The following CHI3L1 variants were observed in gnomAD, a reference collection of about 807,000 sequenced individuals.
The protein encoded by CHI3L1 is chitinase-3-like protein 1.
A neutral mutation model predicts 40.7 loss-of-function variants in CHI3L1; 30 were observed. The observed-to-expected ratio is 0.74, with a 90% confidence interval of 0.55 to 1.00. CHI3L1 has a LOEUF of 1.00. Ranked by LOEUF, CHI3L1 falls within the 50% of genes least tolerant of loss-of-function variation. CHI3L1 has a pLI of 0.00. For missense variants in CHI3L1, 493 were observed against 492.2 expected (o/e 1.00, Z -0.01); for synonymous variants, 210 against 192.1 (o/e 1.09, Z -0.77).
At chr1:203,179,973 G>A in intron 8 of CHI3L1, 96 bp from the exon 9 acceptor site, 3 of 1,092,060 alleles carry the variant, frequency 2.7e-6, no homozygotes, top group Non-Finnish European at 2.7e-6. Flanking sequence ...TTTAGCTCCT[G>A]CTCCATCCTG....
Position 203,183,130 on chromosome 1 carries a change from A to G in CHI3L1, c.466-278T>C, listed in dbSNP as rs566565426. On this transcript the variant is annotated intron_variant, in intron 5 of 9. Coordinates refer to ENST00000255409, the MANE Select transcript of CHI3L1 (RefSeq NM_001276.4). ...GAGCATCGGACAGTGGGTGACCCCT[A>G]TTGGCCCACAGATGACTTTGGGAGA... is the stretch of plus-strand genomic sequence containing the variant. Among the ~76,000 whole-genome samples, 368 of 152,190 alleles carry G rather than the reference A, an allele frequency of 2.4e-3. 1 individual carries two copies. The highest frequency in any genetic ancestry group is 3.6e-3 in the Non-Finnish European group (248 of 67,998).
intron 2 of CHI3L1, among the ~76,000 whole-genome samples, chr1:203,185,809 G>T (rs1656043441): frequency 6.6e-6 from 1 of 152,170 alleles, no homozygotes; most frequent in African/African-American, 2.4e-5. Flanking sequence ...GTGACCTGCA[G>T]TGAGGTCCTT....
rs1364926362 is a variant in CHI3L1, at chr1:203,186,674, C to G, written c.-51G>C. On this transcript the variant is annotated 5_prime_UTR_variant, in exon 1 of 10. Coordinates refer to ENST00000255409, the MANE Select transcript of CHI3L1 (RefSeq NM_001276.4). The stretch of plus-strand genomic sequence containing the variant: ...GTGTGGCCTCTTCCCTTGCCCACGG[C>G]TCCTGGTGCCAGCTACCTAGACAGG... The G allele has an allele frequency of 6.8e-6, 11 of 1,611,832 alleles. No homozygotes were observed. The South Asian group carries it at 1.1e-4, about 16-fold the overall frequency.
intron 6 of CHI3L1, chr1:203,182,224 CT>C (rs1294286553): frequency 6.4e-6 from 1 of 156,432 alleles, no homozygotes; most frequent in Non-Finnish European, 1.4e-5. Flanking sequence ...AGAGATGAGG[CT>C]GCTTGGCTGT....
Position 203,179,821 on chromosome 1 carries a change from G to A in CHI3L1, c.951C>T (p.Pro317=). 1 of 1,614,196 alleles carries A rather than the reference G, an allele frequency of 6.2e-7. No individual in the cohort carries two copies. The highest frequency in any genetic ancestry group is 8.5e-7 in the Non-Finnish European group (1 of 1,180,016). ...CCCACTGGTTGCCCTTGGTGGCATA[G>A]GGGACCTGCTGGCCGAGGATTCTAT... The part of the protein sequence containing the change: ...TVHRILGQQV[P]YATKGNQWVG... Residue 317 remains proline (P), a synonymous_variant, in exon 9 of 10, where the codon CCC becomes CCT. Transcript: ENST00000255409.
chr1:203,186,676 C>G lies in CHI3L1; in HGVS notation c.-53G>C. 6.2e-7 allele frequency: 1 copy of G among 1,611,328 alleles called. No homozygotes were observed. Among genetic ancestry groups the G allele is most frequent in the Admixed American group, 1.7e-5 (1 of 60,028 alleles). On this transcript the variant is annotated 5_prime_UTR_variant, in exon 1 of 10. Transcript: ENST00000255409. The stretch of plus-strand genomic sequence containing the variant: ...GTGGCCTCTTCCCTTGCCCACGGCT[C>G]CTGGTGCCAGCTACCTAGACAGGGC...
chr1:203,181,054 C>A (rs1470540891), intron 7 of CHI3L1, 108 bp downstream of exon 7: 15 of 1,389,924 alleles, frequency 1.1e-5, no homozygotes, highest in Admixed American at 2.3e-5. Context: ...GCCTCATGAC[C>A]CCCCTCTTGC....
At position 203,179,460 on chromosome 1, in the gene CHI3L1, T is replaced by G. The variant is rs1385092284; in HGVS notation, c.1137A>C (p.Ala379=). 6.5e-7 allele frequency: 1 copy of G among 1,540,704 alleles called. No individual in the cohort carries two copies. The change falls in exon 10 of 10, where the codon GCA becomes GCC. Residue 379 remains alanine (A), a synonymous_variant. Transcript: ENST00000255409. ...GAACAGAGGGCTACGTTGCAGCGAG[T>G]GCATCCTTGATGGCATTGGTGAGAG... ...RFPLTNAIKD[A]LAAT
rs770669922 is a variant in CHI3L1 at position 203,179,663 on chromosome 1, C to T, written c.1012-78G>A. On this transcript the variant is annotated intron_variant, in intron 9 of 9. Coordinates refer to ENST00000255409, the MANE Select transcript of CHI3L1 (RefSeq NM_001276.4). ...TACAGGGCACATGTGCTCTGTGAGC[C>T]CAGCCCAGACCTCAGTGCAAGGGAC... 15 of 1,613,758 alleles carry T rather than the reference C, an allele frequency of 9.3e-6. No homozygotes were observed. The African/African-American group carries it at 1.2e-4, about 13-fold the overall frequency.
chr1:203,182,702 G>C (rs1175078752), intron 6 of CHI3L1, 29 bp downstream of exon 6: 1 of 1,613,352 alleles, frequency 6.2e-7, no homozygotes, highest in Admixed American at 1.7e-5. Flanking sequence ...CAGAGGTTCT[G>C]GGGAGGCTGC....
intron 2 of CHI3L1, among the ~76,000 whole-genome samples, 192 bp from the exon 3 acceptor site, chr1:203,185,577 G>A (rs1399165706): frequency 6.6e-6 from 1 of 152,204 alleles, no homozygotes; most frequent in Non-Finnish European, 1.5e-5. Flanking sequence ...TCCCTGACTG[G>A]TGAAAATAAG....
chr1:203,180,674 C>A, intron 7 of CHI3L1, 22 bp from the exon 8 acceptor site: 1 of 1,557,872 alleles, frequency 6.4e-7, no homozygotes, highest in Non-Finnish European at 8.7e-7. Flanking sequence ...AGGGTGGGAA[C>A]AACGTGAGCA....
Position 203,183,864 on chromosome 1 carries a change from C to T in CHI3L1, c.315-73G>A, listed in dbSNP as rs553706660. The T allele has an allele frequency of 1.8e-5, 28 of 1,546,464 alleles. No homozygotes were observed. The South Asian group carries it at 2.9e-4, about 16-fold the overall frequency. On this transcript the variant is annotated intron_variant, in intron 4 of 9. Transcript: ENST00000255409. The stretch of plus-strand genomic sequence containing the variant: ...GTGCCTTGGGCCTCTGGTGGGGTTT[C>T]CAGGACCTGCAGAGCTGGGATCCTG...
At chr1:203,182,941 C>T (rs1571828383) in intron 5 of CHI3L1, 89 bp from the exon 6 acceptor site, 4 of 1,409,568 alleles carry the variant, frequency 2.8e-6, no homozygotes, top group Non-Finnish European at 3.9e-6. Flanking sequence ...CTGCGCAACC[C>T]ATTTGCTGTA....
Position 203,181,165 on chromosome 1 carries a change from G to A in CHI3L1, c.708C>T (p.Asn236=). Residue 236 remains asparagine, a synonymous_variant, in exon 7 of 10, where the codon AAC becomes AAT. Transcript: ENST00000255409. ...QEDASPDRFS[N]TDYAVGYMLR... The stretch of plus-strand genomic sequence containing the variant: ...CTCCCTCCTTCTGGGAACTCACAGT[G>A]TTGCTGAATCTGTCAGGACTTGCAT... 5 of 1,613,906 alleles carry A rather than the reference G, an allele frequency of 3.1e-6. No individual in the cohort carries two copies. The highest frequency in any genetic ancestry group is 2.2e-5 in the East Asian group (1 of 44,884).
At chr1:203,186,537 G>T in intron 1 of CHI3L1, 62 bp downstream of exon 1, 1 of 1,606,736 alleles carries the variant, frequency 6.2e-7, no homozygotes, top group Non-Finnish European at 8.5e-7. Context: ...AGATGGCTCT[G>T]CGGGCTGTCT....
intron 4 of CHI3L1, among the ~76,000 whole-genome samples, chr1:203,184,250 T>C (rs1178909831): frequency 4.6e-5 from 7 of 152,138 alleles, no homozygotes; most frequent in Admixed American, 3.3e-4. Flanking sequence ...AATGTCCCCA[T>C]TGGTTTCCAT....
At chr1:203,186,071 C>G (rs186769630) in intron 2 of CHI3L1, among the ~76,000 whole-genome samples, 1 of 152,142 alleles carries the variant, frequency 6.6e-6, no homozygotes, top group African/African-American at 2.4e-5. Flanking sequence ...TTAGTCAAAG[C>G]CTTCACTGAA....
Position 203,180,661 on chromosome 1 carries a change from G to T in CHI3L1, c.712-9C>A. 5.8e-6 allele frequency: 9 copies of T among 1,565,098 alleles called. No individual in the cohort carries two copies. The highest frequency in any genetic ancestry group is 1.2e-5 in the South Asian group (1 of 85,566). On this transcript the variant is annotated splice_polypyrimidine_tract_variant and intron_variant, in intron 7 of 9. Coordinates refer to ENST00000255409, the MANE Select transcript of CHI3L1 (RefSeq NM_001276.4). ...TACCCCACAGCATAGTCCTGGGTGGGGTAGGGTGGGAACAACGTGAGCAGT... is the reference window on the plus strand; with the variant it reads ...TACCCCACAGCATAGTCCTGGGTGGTGTAGGGTGGGAACAACGTGAGCAGT...
Sources: allele counts gnomAD v4.1 joint callset (sites outside exome capture counted in the v4.1 genomes callset), GRCh38; gene constraint gnomAD v4.1.1; transcripts MANE v1.5; gene names NCBI Gene and HGNC (gene_info 2026-07-23, HGNC 2026-07-21).